OR2AG1: variants seen among roughly 807,000 people sequenced by gnomAD.
OR2AG1 encodes the protein olfactory receptor 2AG1.
For synonymous variants in OR2AG1, 157 were observed against 155.6 expected, an observed-to-expected ratio of 1.01 and a Z score of -0.07; for missense variants, 391 against 385.9, an observed-to-expected ratio of 1.01 and a Z score of -0.11.
rs1326174027 is a variant in OR2AG1, at chr11:6,787,231, C to G, written c.*1243C>G. ...GTGTGTGTAAAACAGATTTTTTTAA[C>G]CTACAAGCATATAGTTATTTTTCCT... On this transcript the variant is annotated 3_prime_UTR_variant, in exon 2 of 2. Transcript: ENST00000641258. 6.6e-6 allele frequency: 1 copy of G among 151,958 alleles called. No individual in the cohort carries two copies. Among genetic ancestry groups the G allele is most frequent in the African/African-American group, 2.4e-5 (1 of 41,388 alleles). 9.4% of individuals were successfully genotyped at this position (151,958 alleles called of 1,614,324 possible).
rs148632314 is a variant in OR2AG1, at chr11:6,785,182, A to T, written c.145A>T (p.Ile49Phe). ...CAGCAATGGCCTACTGCTCCTGGCT[A>T]TCACCATGGAAGCCCGGCTCCACAT... Reference protein sequence around the residue: ...LISNGLLLLAITMEARLHMPM... With the variant: ...LISNGLLLLAFTMEARLHMPM... The change falls in exon 2 of 2, where the codon ATC becomes TTC. Residue 49 changes from isoleucine (I) to phenylalanine (F), a missense_variant. Physicochemically the swap from Ile to Phe is conservative, Grantham distance 21. Transcript: ENST00000641258. 1 of 1,614,170 alleles carries T rather than the reference A, an allele frequency of 6.2e-7. No individual in the cohort carries two copies. The highest frequency in any genetic ancestry group is 1.3e-5 in the African/African-American group (1 of 75,046).
At position 6,785,998 on chromosome 11, in the gene OR2AG1, A is replaced by G; in HGVS notation, c.*10A>G. On this transcript the variant is annotated 3_prime_UTR_variant, in exon 2 of 2. Coordinates refer to ENST00000641258, the MANE Select transcript of OR2AG1 (RefSeq NM_001004489.3). ...ACACTCCACGCTCTAGGGAAGGATC[A>G]TGGCTAGCTTCCAGAATTCCTTCTC... The G allele has an allele frequency of 1.3e-6, 2 of 1,585,180 alleles. No homozygotes were observed. The highest frequency in any genetic ancestry group is 8.6e-7 in the Non-Finnish European group (1 of 1,165,396).
chr11:6,785,136 C>T lies in OR2AG1; in HGVS notation c.99C>T (p.Ile33=), dbSNP rs200103531. 7.4e-6 allele frequency: 12 copies of T among 1,613,998 alleles called. No homozygotes were observed. In the Admixed American group the frequency reaches 8.3e-5, roughly 11 times the overall value. Reference sequence around the variant, plus strand: ...AACTGCTCTGTGCTACAATTACAATCCTATACTTGTTGGCCCTGATCAGCA... The same window carrying T: ...AACTGCTCTGTGCTACAATTACAATTCTATACTTGTTGGCCCTGATCAGCA... The part of the protein sequence containing the change: ...SPELLCATIT[I]LYLLALISNG... Residue 33 remains isoleucine (I), a synonymous_variant, in exon 2 of 2, where the codon ATC becomes ATT. Coordinates refer to ENST00000641258, the MANE Select transcript of OR2AG1 (RefSeq NM_001004489.3).
chr11:6,785,025 A>G lies in OR2AG1; in HGVS notation c.-13A>G, dbSNP rs1847607928. ...GTATCCATCTTGTTCTAGGTGATGA[A>G]AGAAACCACAGCATGGAGCTCTGGA... On this transcript the variant is annotated 5_prime_UTR_variant, in exon 2 of 2. Coordinates refer to ENST00000641258, the MANE Select transcript of OR2AG1 (RefSeq NM_001004489.3). 6.4e-7 allele frequency: 1 copy of G among 1,561,570 alleles called. No homozygotes were observed. The highest frequency in any genetic ancestry group is 2.2e-5 in the East Asian group (1 of 44,456).
rs11826504 is a variant in OR2AG1, at chr11:6,784,907, T to A, written c.-20-111T>A. 4.4e-3 allele frequency: 2,559 copies of A among 582,516 alleles called. 50 individuals are homozygous for A. The highest frequency in any genetic ancestry group is 0.043 in the African/African-American group (2,321 of 53,790). 36.1% of individuals were successfully genotyped at this position (582,516 alleles called of 1,614,324 possible). A position where few individuals can be genotyped will look rare whatever the true frequency, so the allele number is the denominator to read the frequency against. On this transcript the variant is annotated intron_variant, in intron 1 of 1. Coordinates refer to ENST00000641258, the MANE Select transcript of OR2AG1 (RefSeq NM_001004489.3). ...TCAGAAATCGAGAGGCAAAGTCAGT[T>A]ATCAGTGGAAAGGGTAACATCTCAG...
rs1484008319 is a variant in OR2AG1, at chr11:6,785,575, G to T, written c.538G>T (p.Glu180Ter). Reference protein sequence around the residue: ...RAQEIRHLLCEIPHLLKVACA... With the variant: ...RAQEIRHLLC ...CCAGGAGATCAGGCATCTTCTCTGTGAGATCCCACACTTGCTGAAGGTGGC... is the reference window on the plus strand; with the variant it reads ...CCAGGAGATCAGGCATCTTCTCTGTTAGATCCCACACTTGCTGAAGGTGGC... The change falls in exon 2 of 2, where the codon GAG becomes TAG. Residue 180 changes from glutamate (E) to a stop codon, truncating the protein, a stop_gained. Transcript: ENST00000641258. LOFTEE classifies it low-confidence loss of function (END_TRUNC). 1.2e-6 allele frequency: 2 copies of T among 1,614,128 alleles called. No individual in the cohort carries two copies. The highest frequency in any genetic ancestry group is 2.2e-5 in the South Asian group (2 of 91,074).
rs968171165 is a variant in OR2AG1 at position 6,787,894 on chromosome 11, G to A, written c.*1906G>A. ...TACCAGCAACATATAAGTGTACTTAGCCCACTACATATTTTTTCATGTTAA... is the reference window on the plus strand; with the variant it reads ...TACCAGCAACATATAAGTGTACTTAACCCACTACATATTTTTTCATGTTAA... On this transcript the variant is annotated 3_prime_UTR_variant, in exon 2 of 2. Coordinates refer to ENST00000641258, the MANE Select transcript of OR2AG1 (RefSeq NM_001004489.3). 6.6e-6 allele frequency: 1 copy of A among 151,980 alleles called. No homozygotes were observed. The highest frequency in any genetic ancestry group is 2.4e-5 in the African/African-American group (1 of 41,384). 9.4% of individuals were successfully genotyped at this position (151,980 alleles called of 1,614,324 possible).
rs1847665392 is a variant in OR2AG1 at position 6,789,474 on chromosome 11, T to C, written c.*3486T>C. On this transcript the variant is annotated 3_prime_UTR_variant, in exon 2 of 2. Transcript: ENST00000641258. ...TGCTTTTGAGTCCCAAAGACCTCAC[T>C]ACTTGTATAATCCACAGACTCAAAA... The C allele has an allele frequency of 1.3e-5, 2 of 152,224 alleles. No homozygotes were observed. The highest frequency in any genetic ancestry group is 6.6e-5 in the Admixed American group (1 of 15,262). 9.4% of individuals were successfully genotyped at this position (152,224 alleles called of 1,614,324 possible).
At position 6,787,385 on chromosome 11, in the gene OR2AG1, C is replaced by T. The variant is rs1286792147; in HGVS notation, c.*1397C>T. ...GCATATTACTTAACCTGTTTGTGCCCAAGTCTGCAAGTTTGCAAAGTGTAA... is the reference window on the plus strand; with the variant it reads ...GCATATTACTTAACCTGTTTGTGCCTAAGTCTGCAAGTTTGCAAAGTGTAA... On this transcript the variant is annotated 3_prime_UTR_variant, in exon 2 of 2. Transcript: ENST00000641258. 6.6e-6 allele frequency: 1 copy of T among 152,004 alleles called. No individual in the cohort carries two copies. Among genetic ancestry groups the T allele is most frequent in the African/African-American group, 2.4e-5 (1 of 41,386 alleles). 9.4% of individuals were successfully genotyped at this position (152,004 alleles called of 1,614,324 possible).
At position 6,788,063 on chromosome 11, in the gene OR2AG1, G is replaced by A. The variant is rs1476461355; in HGVS notation, c.*2075G>A. 3 of 152,060 alleles carry A rather than the reference G, an allele frequency of 2.0e-5. No individual in the cohort carries two copies. Among genetic ancestry groups the A allele is most frequent in the Non-Finnish European group, 4.4e-5 (3 of 67,998 alleles). 9.4% of individuals were successfully genotyped at this position (152,060 alleles called of 1,614,324 possible). On this transcript the variant is annotated 3_prime_UTR_variant, in exon 2 of 2. Transcript: ENST00000641258. ...GGAACACGGAGACTTTGTTATATTT[G>A]TGGTAATAACTTCTTTTCAATTTGT...
chr11:6,785,392 G>A lies in OR2AG1; in HGVS notation c.355G>A (p.Ala119Thr). Residue 119 changes from alanine (A) to threonine (T), a missense_variant, in exon 2 of 2, where the codon GCC (alanine) becomes ACC (threonine). Physicochemically the swap from Ala to Thr is moderately conservative, Grantham distance 58. Transcript: ENST00000641258. ...TGAGGACCTCCTACTGGCCTTCATGGCCTATGACAGGTATGTGGCCATTTG... is the reference window on the plus strand; with the variant it reads ...TGAGGACCTCCTACTGGCCTTCATGACCTATGACAGGTATGTGGCCATTTG... Reference protein sequence around the residue: ...GAEDLLLAFMAYDRYVAICHP... With the variant: ...GAEDLLLAFMTYDRYVAICHP... 6.2e-7 allele frequency: 1 copy of A among 1,614,090 alleles called. No individual in the cohort carries two copies. The highest frequency in any genetic ancestry group is 8.5e-7 in the Non-Finnish European group (1 of 1,180,006).
rs757474445 is a variant in OR2AG1 at position 6,787,902 on chromosome 11, CA to C, written c.*1915del. On this transcript the variant is annotated 3_prime_UTR_variant, in exon 2 of 2. Coordinates refer to ENST00000641258, the MANE Select transcript of OR2AG1 (RefSeq NM_001004489.3). ...ACATATAAGTGTACTTAGCCCACTA[CA>C]TATTTTTTCATGTTAAATTTTACAT... The C allele has an allele frequency of 2.0e-5, 3 of 152,118 alleles. No homozygotes were observed. The highest frequency in any genetic ancestry group is 4.4e-5 in the Non-Finnish European group (3 of 68,028). 9.4% of individuals were successfully genotyped at this position (152,118 alleles called of 1,614,324 possible).
chr11:6,784,672 A>G (rs1387337649), intron 1 of OR2AG1, among the ~76,000 whole-genome samples: 2 of 152,230 alleles, frequency 1.3e-5, no homozygotes, highest in Admixed American at 6.5e-5. Flanking sequence ...AACTAACTGG[A>G]TAGTTACAAG....
At position 6,785,248 on chromosome 11, in the gene OR2AG1, C is replaced by G; in HGVS notation, c.211C>G (p.Leu71Val). 1 of 1,614,172 alleles carries G rather than the reference C, an allele frequency of 6.2e-7. No homozygotes were observed. The highest frequency in any genetic ancestry group is 2.2e-5 in the East Asian group (1 of 44,884). ...LLLGQLSLMD[L>V]LFTSVVTPKA... ...GCTTGGGCAGCTCTCTCTCATGGAC[C>G]TCCTGTTCACATCTGTTGTCACTCC... is the stretch of plus-strand genomic sequence containing the variant. The change falls in exon 2 of 2, where the codon CTC becomes GTC. Residue 71 changes from leucine to valine, a missense_variant. By Grantham distance (32) the Leu-to-Val change is conservative. Coordinates refer to ENST00000641258, the MANE Select transcript of OR2AG1 (RefSeq NM_001004489.3).
In OR2AG1 at chr11:6,785,042, A is replaced by G; in HGVS notation, c.5A>G (p.Glu2Gly). 6.3e-7 allele frequency: 1 copy of G among 1,597,400 alleles called. No homozygotes were observed. The change falls in exon 2 of 2, where the codon GAG becomes GGG. Residue 2 changes from glutamate to glycine, a missense_variant. Physicochemically the swap from Glu to Gly is moderately conservative, Grantham distance 98. Transcript: ENST00000641258. The stretch of plus-strand genomic sequence containing the variant: ...GGTGATGAAAGAAACCACAGCATGG[A>G]GCTCTGGAACTTCACCTTGGGAAGT... Reference protein sequence around the residue: MELWNFTLGSGF... With the variant: MGLWNFTLGSGF...
chr11:6,786,175 T>C lies in OR2AG1; in HGVS notation c.*187T>C, dbSNP rs931507481. 9.4e-6 allele frequency: 5 copies of C among 533,898 alleles called. No homozygotes were observed. Among genetic ancestry groups the C allele is most frequent in the Non-Finnish European group, 1.6e-5 (5 of 307,200 alleles). 33.1% of individuals were successfully genotyped at this position (533,898 alleles called of 1,614,324 possible). On this transcript the variant is annotated 3_prime_UTR_variant, in exon 2 of 2. Transcript: ENST00000641258. ...TCTCCATGAAGTAATTTATAGGGCATGATTTACACTATCTAAAATTACTCT... is the reference window on the plus strand; with the variant it reads ...TCTCCATGAAGTAATTTATAGGGCACGATTTACACTATCTAAAATTACTCT...
At position 6,788,348 on chromosome 11, in the gene OR2AG1, G is replaced by C. The variant is rs1270716997; in HGVS notation, c.*2360G>C. On this transcript the variant is annotated 3_prime_UTR_variant, in exon 2 of 2. Coordinates refer to ENST00000641258, the MANE Select transcript of OR2AG1 (RefSeq NM_001004489.3). ...ACTTATCTTTACATGTGAAAATGAT[G>C]ATATTTCAACTTTTGTCAAAGGTAC... 6.6e-6 allele frequency: 1 copy of C among 152,004 alleles called. No individual in the cohort carries two copies. Among genetic ancestry groups the C allele is most frequent in the African/African-American group, 2.4e-5 (1 of 41,366 alleles). 9.4% of individuals were successfully genotyped at this position (152,004 alleles called of 1,614,324 possible).
Position 6,791,396 on chromosome 11 carries a change from G to A in OR2AG1, c.*5408G>A, listed in dbSNP as rs764302689. The A allele has an allele frequency of 6.6e-6, 1 of 152,172 alleles. No homozygotes were observed. The highest frequency in any genetic ancestry group is 2.4e-5 in the African/African-American group (1 of 41,430). The allele number at this position is 152,172 out of a possible 1,614,324, so 9.4% of individuals were successfully genotyped here. A position where few individuals can be genotyped will look rare whatever the true frequency, so the allele number is the denominator to read the frequency against. ...ATGAATACACCTGCCCTATAGGCCC[G>A]CTTCTCTACCAAGCACACGGAGATG... On this transcript the variant is annotated 3_prime_UTR_variant, in exon 2 of 2. Transcript: ENST00000641258.
rs774739882 is a variant in OR2AG1 at position 6,785,466 on chromosome 11, C to T, written c.429C>T (p.Leu143=). Residue 143 remains leucine (L), a synonymous_variant, in exon 2 of 2, where the codon CTC becomes CTT. Coordinates refer to ENST00000641258, the MANE Select transcript of OR2AG1 (RefSeq NM_001004489.3). The stretch of plus-strand genomic sequence containing the variant: ...TCATGAGCTCAAGAGCCTGCTGGCT[C>T]ATGGTGGCCACGTCCTGGATCCTGG... The part of the protein sequence containing the change: ...MTLMSSRACW[L]MVATSWILAS... The T allele has an allele frequency of 3.1e-6, 5 of 1,614,162 alleles. No homozygotes were observed. The highest frequency in any genetic ancestry group is 4.2e-6 in the Non-Finnish European group (5 of 1,180,022).
Sources: allele counts gnomAD v4.1 joint callset (sites outside exome capture counted in the v4.1 genomes callset), GRCh38; gene constraint gnomAD v4.1.1; transcripts MANE v1.5; gene names NCBI Gene and HGNC (gene_info 2026-07-23, HGNC 2026-07-21).